The following TMED7 variants were observed in gnomAD, a reference collection of about 807,000 sequenced individuals.
The protein encoded by TMED7 is transmembrane emp24 domain-containing protein 7.
Under a neutral mutation model 23.4 loss-of-function variants are expected in TMED7, and 8 were observed. The ratio of observed to expected loss-of-function variants is 0.34; its 90% CI spans 0.20 to 0.62. The LOEUF (loss-of-function observed/expected upper bound fraction) is 0.62, where lower values mean the gene tolerates loss of function less well. Among genes scored for constraint, TMED7 ranks in the 20% least tolerant of loss-of-function variants. The probability of loss-of-function intolerance (pLI) is 0.77; values close to 1 mark genes in which losing one functional copy is unlikely to be tolerated. For missense variants in TMED7, 232 were observed against 279.1 expected, an observed-to-expected ratio of 0.83 and a Z score of 1.20; for synonymous variants, 121 against 108.5, an observed-to-expected ratio of 1.12 and a Z score of -0.72.
In TMED7 at chr5:115,613,306, G is replaced by A. The variant is rs976168761; in HGVS notation, c.*2903C>T. 3.3e-5 allele frequency among the ~76,000 whole-genome samples: 5 copies of A among 152,134 alleles called. No individual in the cohort carries two copies. Among genetic ancestry groups the A allele is most frequent in the African/African-American group, 1.2e-4 (5 of 41,428 alleles). On this transcript the variant is annotated 3_prime_UTR_variant, in exon 3 of 3. Transcript: ENST00000456936. ...TTCACCTACACAAACTTTCAGTAAGGAATGCAAAGAGAAGGTTACAAATTA... is the reference window on the plus strand; with the variant it reads ...TTCACCTACACAAACTTTCAGTAAGAAATGCAAAGAGAAGGTTACAAATTA...
intron 2 of TMED7, among the ~76,000 whole-genome samples, chr5:115,617,016 A>G (rs1477211367): frequency 6.6e-6 from 1 of 152,190 alleles, no homozygotes. Flanking sequence ...ACATTTATCT[A>G]TTTGTTAAAT....
rs763277397 is a variant in TMED7 at position 115,616,461 on chromosome 5, T to G, written c.439-16A>C. On this transcript the variant is annotated splice_polypyrimidine_tract_variant and intron_variant, in intron 2 of 2. Transcript: ENST00000456936. ...CAGATTCCATCTGCAGAGAAATATT[T>G]TCAGTCAGTATGTGTGATACTTTCT... The G allele has an allele frequency of 6.2e-7, 1 of 1,614,094 alleles. No individual in the cohort carries two copies. Among genetic ancestry groups the G allele is most frequent in the East Asian group, 2.2e-5 (1 of 44,878 alleles).
intron 1 of TMED7, among the ~76,000 whole-genome samples, chr5:115,625,384 G>A (rs763630369): frequency 4.6e-4 from 70 of 152,268 alleles, no homozygotes; most frequent in Middle Eastern, 3.4e-3. Context: ...GCTAAAGGGA[G>A]CATTTCTGGA....
Position 115,625,801 on chromosome 5 carries a change from G to A in TMED7, c.-9C>T, listed in dbSNP as rs924489682. The A allele has an allele frequency of 7.1e-6, 10 of 1,406,640 alleles. No individual in the cohort carries two copies. Among genetic ancestry groups the A allele is most frequent in the Non-Finnish European group, 9.2e-6 (10 of 1,085,764 alleles). The allele number at this position is 1,406,640 out of a possible 1,614,324, so 87.1% of individuals were successfully genotyped here. A position where few individuals can be genotyped will look rare whatever the true frequency, so the allele number is the denominator to read the frequency against. ...GACCCCGGCCGCGGCATCCCGAGAA[G>A]GCGGCGGCGGCCTCAACCGAGCTGC... On this transcript the variant is annotated 5_prime_UTR_variant, in exon 1 of 3. Transcript: ENST00000456936.
chr5:115,625,451 A>T (rs1757167480), intron 1 of TMED7, 150 bp downstream of exon 1: 1 of 873,172 alleles, frequency 1.1e-6, no homozygotes, highest in Admixed American at 4.2e-5. Flanking sequence ...TATTAGAGGA[A>T]AGTCAAATGC....
chr5:115,617,120 T>C (rs139134099), intron 2 of TMED7, among the ~76,000 whole-genome samples: 39 of 152,378 alleles, frequency 2.6e-4, no homozygotes, highest in Non-Finnish European at 4.7e-4. Flanking sequence ...TTTGTGAGCC[T>C]TTAGCTGATA....
chr5:115,616,994 C>G (rs1756789763), intron 2 of TMED7, among the ~76,000 whole-genome samples: 1 of 152,162 alleles, frequency 6.6e-6, no homozygotes, highest in Non-Finnish European at 1.5e-5. Flanking sequence ...ATAGGAATGA[C>G]TTTGTTTTTT....
At chr5:115,616,617 C>CA (rs1482515845) in intron 2 of TMED7, 172 bp from the exon 3 acceptor site, 3 of 939,834 alleles carry the variant, frequency 3.2e-6, no homozygotes, top group Non-Finnish European at 4.7e-6. Context: ...CCCCCCTGCT[C>CA]ATTTTCACTG....
intron 2 of TMED7, among the ~76,000 whole-genome samples, chr5:115,619,500 A>T (rs11957931): frequency 0.12 from 18,158 of 152,148 alleles, 1,430 homozygotes; most frequent in East Asian, 0.28. Context: ...CTAAGCCCAT[A>T]CAGGTTGAGT....
rs1756574988 is a variant in TMED7, at chr5:115,613,912, A to C, written c.*2297T>G. 6.6e-6 allele frequency: 1 copy of C among 152,546 alleles called. No homozygotes were observed. The highest frequency in any genetic ancestry group is 1.5e-5 in the Non-Finnish European group (1 of 67,952). The allele number at this position is 152,546 out of a possible 1,614,324, so 9.4% of individuals were successfully genotyped here. ...AATTTTAGTATAAACTTGTATATCA[A>C]GTTGCTTTCCATTATTTATTCTACT... On this transcript the variant is annotated 3_prime_UTR_variant, in exon 3 of 3. Transcript: ENST00000456936.
intron 2 of TMED7, among the ~76,000 whole-genome samples, chr5:115,619,535 C>A (rs1482648535): frequency 2.0e-5 from 3 of 152,004 alleles, no homozygotes; most frequent in Non-Finnish European, 4.4e-5. Flanking sequence ...ATGTTTGGGA[C>A]CAGAAGTGCT....
chr5:115,620,915 T>C (rs1757006718), intron 1 of TMED7, among the ~76,000 whole-genome samples: 1 of 152,190 alleles, frequency 6.6e-6, no homozygotes, highest in South Asian at 2.1e-4. Context: ...ACTGTGCTAA[T>C]TAATGGAGAT....
intron 2 of TMED7, among the ~76,000 whole-genome samples, chr5:115,618,461 G>T (rs77836686): frequency 7.2e-5 from 11 of 152,178 alleles, no homozygotes; most frequent in Non-Finnish European, 1.3e-4. Flanking sequence ...TTTGGCTGAT[G>T]TAAGTGTTCA....
rs892407995 is a variant in TMED7 at position 115,615,344 on chromosome 5, A to G, written c.*865T>C. 1 of 152,626 alleles carries G rather than the reference A, an allele frequency of 6.6e-6. No homozygotes were observed. Among genetic ancestry groups the G allele is most frequent in the East Asian group, 1.9e-4 (1 of 5,204 alleles). 9.5% of individuals were successfully genotyped at this position (152,626 alleles called of 1,614,324 possible). On this transcript the variant is annotated 3_prime_UTR_variant, in exon 3 of 3. Coordinates refer to ENST00000456936, the MANE Select transcript of TMED7 (RefSeq NM_181836.6). ...TTTAAGCTGGGAATGACTCACAGACATTAAAGTCATATAAGGGCAAGAGCT... is the reference window on the plus strand; with the variant it reads ...TTTAAGCTGGGAATGACTCACAGACGTTAAAGTCATATAAGGGCAAGAGCT...
chr5:115,625,844 C>T lies in TMED7; in HGVS notation c.-52G>A. ...CGAGCTGCGAGACGCAGGGTCAGGT[C>T]TGCGCGGACTCACCGCGCGCGGCAG... On this transcript the variant is annotated 5_prime_UTR_variant, in exon 1 of 3. Coordinates refer to ENST00000456936, the MANE Select transcript of TMED7 (RefSeq NM_181836.6). 5 of 1,350,128 alleles carry T rather than the reference C, an allele frequency of 3.7e-6. No homozygotes were observed. The highest frequency in any genetic ancestry group is 3.8e-6 in the Non-Finnish European group (4 of 1,057,842). The allele number at this position is 1,350,128 out of a possible 1,614,324, so 83.6% of individuals were successfully genotyped here.
chr5:115,624,011 A>G lies in TMED7; in HGVS notation c.192+1590T>C, dbSNP rs185714809. Among the ~76,000 whole-genome samples the G allele has an allele frequency of 2.6e-5, 4 of 152,292 alleles. No individual in the cohort carries two copies. The East Asian group carries it at 7.7e-4, about 29-fold the overall frequency. On this transcript the variant is annotated intron_variant, in intron 1 of 2. Coordinates refer to ENST00000456936, the MANE Select transcript of TMED7 (RefSeq NM_181836.6). ...GTTTCATCAGTAAAAAAGGAGTAAG[A>G]GCTATAACAATTTCATATCGGGCTT...
intron 1 of TMED7, among the ~76,000 whole-genome samples, chr5:115,622,609 T>C (rs1757070306): frequency 6.6e-6 from 1 of 152,208 alleles, no homozygotes; most frequent in African/African-American, 2.4e-5. Flanking sequence ...TGCAGGTAGC[T>C]GCCCTTCTCC....
At position 115,613,458 on chromosome 5, in the gene TMED7, G is replaced by A. The variant is rs905293380; in HGVS notation, c.*2751C>T. 3.3e-5 allele frequency: 5 copies of A among 152,146 alleles called. No individual in the cohort carries two copies. The highest frequency in any genetic ancestry group is 1.3e-4 in the Admixed American group (2 of 15,274). The allele number at this position is 152,146 out of a possible 1,614,324, so 9.4% of individuals were successfully genotyped here. Reference sequence around the variant, plus strand: ...GTACTCTAGGCTTTAAGTTTATAAGGAGCTTTAGAAAGATTTAAATCCTGA... The same window carrying A: ...GTACTCTAGGCTTTAAGTTTATAAGAAGCTTTAGAAAGATTTAAATCCTGA... On this transcript the variant is annotated 3_prime_UTR_variant, in exon 3 of 3. Coordinates refer to ENST00000456936, the MANE Select transcript of TMED7 (RefSeq NM_181836.6).
chr5:115,614,791 T>C lies in TMED7; in HGVS notation c.*1418A>G, dbSNP rs1373070159. The C allele has an allele frequency of 6.6e-6, 1 of 152,106 alleles. No individual in the cohort carries two copies. The highest frequency in any genetic ancestry group is 2.1e-4 in the South Asian group (1 of 4,820). 9.4% of individuals were successfully genotyped at this position (152,106 alleles called of 1,614,324 possible). A position where few individuals can be genotyped will look rare whatever the true frequency, so the allele number is the denominator to read the frequency against. ...TTAACTTCTAGTCAGTATTGGTAAG[T>C]GACTAGGATGGCTATCCAATCAGTA... On this transcript the variant is annotated 3_prime_UTR_variant, in exon 3 of 3. Transcript: ENST00000456936.
Sources: gnomAD v4.1 joint callset for allele counts (sites outside exome capture counted in the v4.1 genomes callset) on GRCh38, gnomAD v4.1.1 for gene constraint, MANE v1.5 for transcripts, NCBI Gene and HGNC (gene_info 2026-07-23, HGNC 2026-07-21) for gene names.